Variants in NCKAP5 observed in about 807,000 individuals in gnomAD.
The protein encoded by NCKAP5 is NCK associated protein 5.
NCKAP5 carries 92 observed loss-of-function variants against 167.0 expected under a neutral mutation model. The observed-to-expected ratio is 0.55, with a 90% confidence interval of 0.47 to 0.66. The LOEUF (loss-of-function observed/expected upper bound fraction) is 0.66, where lower values mean the gene tolerates loss of function less well. Ranked by LOEUF, NCKAP5 falls within the 30% of genes least tolerant of loss-of-function variation. The pLI is 0.00. For missense variants in NCKAP5, 2,378 were observed against 2,315.0 expected (o/e 1.03, Z -0.56); for synonymous variants, 891 against 877.4 (o/e 1.02, Z -0.27).
At chr2:133,673,256 G>A in the NCKAP5 span, among the ~76,000 whole-genome samples, 1 of 152,164 alleles carries the variant, frequency 6.6e-6, no homozygotes, top group South Asian at 2.1e-4. Flanking sequence ...CTGCAAGGCT[G>A]TGCTTTTGTC....
intron 6 of NCKAP5, among the ~76,000 whole-genome samples, chr2:133,072,750 A>T (rs1573945907): frequency 1.3e-5 from 2 of 152,292 alleles, no homozygotes; most frequent in African/African-American, 4.8e-5. Flanking sequence ...CCAATCAAAA[A>T]TTTTTGCTTG....
intron 6 of NCKAP5, among the ~76,000 whole-genome samples, chr2:133,074,359 A>T (rs1196004183): frequency 9.9e-5 from 11 of 110,860 alleles, no homozygotes; most frequent in Admixed American, 9.5e-4. Context: ...AAAAACCGAA[A>T]ATTTAATTAA....
intron 19 of NCKAP5, among the ~76,000 whole-genome samples, chr2:132,711,344 T>C (rs1423274489): frequency 6.6e-5 from 10 of 152,242 alleles, no homozygotes. Flanking sequence ...GGGAAATTTA[T>C]TTATAATAAT....
rs1439958232 is a variant in NCKAP5 at position 132,821,114 on chromosome 2, T to C, written c.808-24385A>G. 2.0e-5 allele frequency among the ~76,000 whole-genome samples: 3 copies of C among 152,246 alleles called. No individual in the cohort carries two copies. In the South Asian group the frequency reaches 6.2e-4, roughly 32 times the overall value. ...TGATCTTTTGCTCCAAGAACCACCA[T>C]GAAACATACCGGAAAAACCAAAAGA... On this transcript the variant is annotated intron_variant, in intron 11 of 19. Coordinates refer to ENST00000409261, the MANE Select transcript of NCKAP5 (RefSeq NM_207363.3).
intron 3 of NCKAP5, among the ~76,000 whole-genome samples, chr2:133,506,006 CAG>C (rs374601903): frequency 6.6e-6 from 1 of 152,302 alleles, no homozygotes; most frequent in African/African-American, 2.4e-5. Flanking sequence ...CACAGATATT[CAG>C]AGAGTTTAAG....
chr2:133,196,376 C>A (rs1237379062), intron 5 of NCKAP5, among the ~76,000 whole-genome samples: 1 of 152,164 alleles, frequency 6.6e-6, no homozygotes, highest in Non-Finnish European at 1.5e-5. Flanking sequence ...GAATTACCCT[C>A]AGGAGCCAAG....
At chr2:133,283,089 C>G (rs138540460) in intron 4 of NCKAP5, among the ~76,000 whole-genome samples, 249 of 152,178 alleles carry the variant, frequency 1.6e-3, no homozygotes, top group African/African-American at 5.7e-3. Flanking sequence ...ATAAGCAGAA[C>G]ATTATGGGAG....
At chr2:132,933,167 T>C (rs922252385) in intron 8 of NCKAP5, among the ~76,000 whole-genome samples, 32 of 151,882 alleles carry the variant, frequency 2.1e-4, no homozygotes, top group African/African-American at 6.0e-4. Flanking sequence ...CCTCATGATC[T>C]GCCCGCTGCG....
At chr2:133,499,674 A>C (rs1039913648) in intron 3 of NCKAP5, among the ~76,000 whole-genome samples, 12 of 152,124 alleles carry the variant, frequency 7.9e-5, no homozygotes, top group Admixed American at 3.3e-4. Flanking sequence ...ATTCTCCTGC[A>C]TCAGCCTCCC....
In NCKAP5 at chr2:132,784,366, T is replaced by C. The variant is rs776322123; in HGVS notation, c.2445A>G (p.Lys815=). The part of the protein sequence containing the change: ...PRGKSSPQKS[K]LMEPEATTLL... Reference sequence around the variant, plus strand: ...GTGTGGTGGCTTCGGGCTCCATTAGTTTTGATTTCTGAGGTGAAGACTTGC... The same window carrying C: ...GTGTGGTGGCTTCGGGCTCCATTAGCTTTGATTTCTGAGGTGAAGACTTGC... The change falls in exon 14 of 20, where the codon AAA becomes AAG. Residue 815 remains lysine (K), a synonymous_variant. Coordinates refer to ENST00000409261, the MANE Select transcript of NCKAP5 (RefSeq NM_207363.3). 3.1e-6 allele frequency: 5 copies of C among 1,613,972 alleles called. No individual in the cohort carries two copies. The highest frequency in any genetic ancestry group is 1.7e-6 in the Non-Finnish European group (2 of 1,179,878).
chr2:133,627,037 A>T, the NCKAP5 span, among the ~76,000 whole-genome samples: 5 of 152,216 alleles, frequency 3.3e-5, no homozygotes, highest in African/African-American at 1.2e-4. Flanking sequence ...CTTGGTAGAA[A>T]TTAATTTTCC....
chr2:133,516,352 G>A (rs572404423), intron 3 of NCKAP5, among the ~76,000 whole-genome samples: 1 of 152,068 alleles, frequency 6.6e-6, no homozygotes, highest in African/African-American at 2.4e-5. Context: ...GGTGAGATGG[G>A]GTCAGATCTA....
chr2:133,234,946 C>T (rs1204038767), intron 4 of NCKAP5, among the ~76,000 whole-genome samples: 2 of 143,442 alleles, frequency 1.4e-5, no homozygotes, highest in African/African-American at 5.1e-5. Context: ...GGCCTTAAGA[C>T]AGAAATTCTT....
chr2:132,920,711 A>T (rs1234364230), intron 8 of NCKAP5, among the ~76,000 whole-genome samples: 7,828 of 102,650 alleles, frequency 0.076, 1,206 homozygotes, highest in Admixed American at 0.22. Context: ...ACGTATATGT[A>T]TATATATGTA....
intron 4 of NCKAP5, among the ~76,000 whole-genome samples, chr2:133,283,857 C>T (rs927239384): frequency 1.4e-4 from 22 of 152,016 alleles, no homozygotes; most frequent in Non-Finnish European, 2.1e-4. Context: ...GTGATCCGCC[C>T]GCCTCGGCCT....
At chr2:133,293,809 T>G (rs1213070117) in intron 4 of NCKAP5, among the ~76,000 whole-genome samples, 1 of 152,176 alleles carries the variant, frequency 6.6e-6, no homozygotes, top group Non-Finnish European at 1.5e-5. Flanking sequence ...TGGGACTGTC[T>G]GCATCTCTGA....
At chr2:133,298,938 A>G (rs1680153120) in intron 4 of NCKAP5, among the ~76,000 whole-genome samples, 2 of 152,148 alleles carry the variant, frequency 1.3e-5, no homozygotes, top group Non-Finnish European at 2.9e-5. Flanking sequence ...AATTACATAA[A>G]ATTAACTGGT....
At chr2:132,673,668 T>C (rs1684036486) in intron 19 of NCKAP5, among the ~76,000 whole-genome samples, 1 of 152,282 alleles carries the variant, frequency 6.6e-6, no homozygotes, top group Admixed American at 6.5e-5. Flanking sequence ...TAAATATGAG[T>C]AGGTATTGAA....
chr2:133,369,175 G>A (rs1428130489), intron 3 of NCKAP5, among the ~76,000 whole-genome samples: 5 of 152,188 alleles, frequency 3.3e-5, no homozygotes, highest in African/African-American at 4.8e-5. Flanking sequence ...AGGGAATCAC[G>A]GGTGGGACAA....
Sources: allele counts gnomAD v4.1 joint callset (sites outside exome capture counted in the v4.1 genomes callset), GRCh38; gene constraint gnomAD v4.1.1; transcripts MANE v1.5; gene names NCBI Gene and HGNC (gene_info 2026-07-23, HGNC 2026-07-21).